Variants in KCNH5 observed in about 807,000 individuals in gnomAD.
KCNH5 encodes potassium voltage-gated channel subfamily H member 5.
In KCNH5, 46 loss-of-function variants were observed where a neutral mutation model predicts 96.1. The observed-to-expected ratio is 0.48, with a 90% CI of 0.38 to 0.61. The LOEUF (loss-of-function observed/expected upper bound fraction) is 0.61, where lower values mean the gene tolerates loss of function less well. KCNH5 is among the 20% of genes least tolerant of loss of function. The probability of loss-of-function intolerance (pLI) is 0.00; values close to 1 mark genes in which losing one functional copy is unlikely to be tolerated. For synonymous variants in KCNH5, 439 were observed against 449.8 expected, an observed-to-expected ratio of 0.98 and a Z score of 0.30; for missense variants, 907 against 1,225.8, an observed-to-expected ratio of 0.74 and a Z score of 3.88.
At chr14:62,770,202 G>T (rs977658525) in intron 10 of KCNH5, among the ~76,000 whole-genome samples, 2 of 152,128 alleles carry the variant, frequency 1.3e-5, no homozygotes, top group African/African-American at 4.8e-5. Flanking sequence ...TGCAATCTGC[G>T]ACACATGTAC....
At chr14:62,840,566 C>CTTTTTTTTTTTTTT (rs71120238) in intron 8 of KCNH5, among the ~76,000 whole-genome samples, 153 of 76,270 alleles carry the variant, frequency 2.0e-3, no homozygotes, top group African/African-American at 2.9e-3. Context: ...TCTTTTTTTT[C>CTTTTTTTTTTTTTT]TTTTTTTTTT....
rs770323761 is a variant in KCNH5, at chr14:62,708,055, T to C, written c.2420A>G (p.Asn807Ser). Residue 807 changes from asparagine to serine, a missense_variant, in exon 11 of 11, where the codon AAT (asparagine) becomes AGT (serine). Physicochemically the swap from Asn to Ser is conservative, Grantham distance 46. Around this residue, in one of 6 missense-constraint regions of KCNH5, gnomAD observed 362 missense variants for 394.4 expected, o/e 0.92. Transcript: ENST00000322893. ...VNSPIRMKNG[N>S]GKGWLRLKNN... Reference sequence around the variant, plus strand: ...CTTGAGTCGCAGCCACCCTTTTCCATTTCCATTCTTCATTCTTATTGGGCT... The same window carrying C: ...CTTGAGTCGCAGCCACCCTTTTCCACTTCCATTCTTCATTCTTATTGGGCT... The C allele has an allele frequency of 5.6e-6, 9 of 1,614,098 alleles. No individual in the cohort carries two copies. In the South Asian group the frequency reaches 8.8e-5, roughly 16 times the overall value.
chr14:63,023,139 G>A (rs1891460844), intron 1 of KCNH5, among the ~76,000 whole-genome samples: 1 of 151,768 alleles, frequency 6.6e-6, no homozygotes, highest in South Asian at 2.1e-4. Flanking sequence ...GGAGGTGGAG[G>A]TTACAGTGAG....
chr14:63,037,211 A>G (rs1299626412), intron 1 of KCNH5, among the ~76,000 whole-genome samples: 1 of 152,204 alleles, frequency 6.6e-6, no homozygotes, highest in African/African-American at 2.4e-5. Context: ...TATTTTATAG[A>G]TAAGGAAACT....
chr14:62,865,793 C>T (rs1196013191), intron 7 of KCNH5, among the ~76,000 whole-genome samples: 1 of 152,118 alleles, frequency 6.6e-6, no homozygotes, highest in East Asian at 1.9e-4. Context: ...CTAGAGCTAC[C>T]TTGTGCATTG....
At chr14:62,811,882 T>C (rs1886879839) in intron 8 of KCNH5, among the ~76,000 whole-genome samples, 2 of 152,214 alleles carry the variant, frequency 1.3e-5, no homozygotes, top group East Asian at 1.9e-4. Context: ...GTGTTAGTTA[T>C]GTGCCTGGTA....
At chr14:63,037,862 T>A (rs1263420257) in intron 1 of KCNH5, among the ~76,000 whole-genome samples, 1 of 152,218 alleles carries the variant, frequency 6.6e-6, no homozygotes, top group Non-Finnish European at 1.5e-5. Context: ...AAACTCACCA[T>A]CAATAACTGC....
chr14:62,983,036 C>G (rs1890639186), intron 5 of KCNH5, among the ~76,000 whole-genome samples: 1 of 152,066 alleles, frequency 6.6e-6, no homozygotes, highest in African/African-American at 2.4e-5. Context: ...ATGAAAATTG[C>G]CTTCATATTC....
At chr14:63,043,524 T>A (rs1176881280) in intron 1 of KCNH5, among the ~76,000 whole-genome samples, 1 of 152,188 alleles carries the variant, frequency 6.6e-6, no homozygotes, top group Non-Finnish European at 1.5e-5. Context: ...AGAATAAAAA[T>A]TGCCTACCAT....
chr14:62,892,863 A>C (rs530890940), intron 7 of KCNH5, among the ~76,000 whole-genome samples: 8 of 152,242 alleles, frequency 5.3e-5, no homozygotes, highest in African/African-American at 7.2e-5. Context: ...GTACCCCCCC[A>C]AAAATTTTTT....
chr14:62,838,353 T>C (rs10047938), intron 8 of KCNH5, among the ~76,000 whole-genome samples: 16,815 of 152,154 alleles, frequency 0.11, 1,147 homozygotes, highest in East Asian at 0.29. Context: ...TTGGTTTTCA[T>C]GCTGGTTTCT....
chr14:62,835,145 G>T (rs760502784), intron 8 of KCNH5, among the ~76,000 whole-genome samples: 14 of 151,986 alleles, frequency 9.2e-5, no homozygotes, highest in East Asian at 1.9e-4. Context: ...AGACTCGAAA[G>T]CTCAATACAA....
intron 6 of KCNH5, among the ~76,000 whole-genome samples, chr14:62,960,867 A>G (rs1288870046): frequency 6.6e-6 from 1 of 152,176 alleles, no homozygotes; most frequent in Non-Finnish European, 1.5e-5. Flanking sequence ...CTTGTGCATA[A>G]AACCTGTATT....
intron 7 of KCNH5, among the ~76,000 whole-genome samples, chr14:62,867,986 G>C (rs1043640198): frequency 2.6e-5 from 4 of 152,212 alleles, no homozygotes; most frequent in Non-Finnish European, 2.9e-5. Flanking sequence ...GAATATGCTT[G>C]TTGTCTGTAT....
At chr14:62,773,051 T>A (rs1485585971) in intron 10 of KCNH5, among the ~76,000 whole-genome samples, 1 of 152,206 alleles carries the variant, frequency 6.6e-6, no homozygotes, top group Non-Finnish European at 1.5e-5. Context: ...ATATTATCCT[T>A]CCCTATTAAA....
intron 10 of KCNH5, among the ~76,000 whole-genome samples, chr14:62,747,505 A>G (rs1885403342): frequency 6.6e-6 from 1 of 152,354 alleles, no homozygotes; most frequent in East Asian, 1.9e-4. Context: ...CCACAAAGGC[A>G]TGGTTATAAG....
In KCNH5 at chr14:62,924,193, C is replaced by T. The variant is rs138288083; in HGVS notation, c.1369+25940G>A. 5.7e-3 allele frequency among the ~76,000 whole-genome samples: 873 copies of T among 151,878 alleles called. 15 individuals are homozygous for T. Among genetic ancestry groups the T allele is most frequent in the African/African-American group, 0.019 (805 of 41,462 alleles). ...TAGTCATTTCTAAAAAGAAGACATA[C>T]GAATGGCCAAGAAGCATATGAGAAG... On this transcript the variant is annotated intron_variant, in intron 7 of 10. Coordinates refer to ENST00000322893, the MANE Select transcript of KCNH5 (RefSeq NM_139318.5).
intron 8 of KCNH5, among the ~76,000 whole-genome samples, chr14:62,818,764 C>A (rs1887052109): frequency 6.6e-6 from 1 of 152,058 alleles, no homozygotes; most frequent in Non-Finnish European, 1.5e-5. Flanking sequence ...AGAAGCAACC[C>A]TAATGTCTAT....
chr14:62,979,109 A>G, intron 6 of KCNH5, among the ~76,000 whole-genome samples: 1 of 152,176 alleles, frequency 6.6e-6, no homozygotes, highest in East Asian at 1.9e-4. Flanking sequence ...ACTTTTCTAG[A>G]TTCCACATGA....
Sources: gnomAD v4.1 joint callset for allele counts (sites outside exome capture counted in the v4.1 genomes callset) on GRCh38, gnomAD v4.1.1 for gene constraint, gnomAD v4.1.1 regional missense constraint, MANE v1.5 for transcripts, NCBI Gene and HGNC (gene_info 2026-07-23, HGNC 2026-07-21) for gene names.